The following LINGO2 variants were observed in gnomAD, a reference collection of about 807,000 sequenced individuals.
The protein encoded by LINGO2 is leucine-rich repeat and immunoglobulin-like domain-containing nogo receptor-interacting protein 2.
LINGO2 carries 14 observed loss-of-function variants against 30.6 expected under a neutral mutation model. That is an observed-to-expected ratio of 0.46 (90% CI 0.30 to 0.72). LINGO2 has a LOEUF of 0.72. LINGO2 is among the 30% of genes least tolerant of loss of function. LINGO2 has a pLI of 0.07. For synonymous variants in LINGO2, 317 were observed against 288.5 expected, an observed-to-expected ratio of 1.10 and a Z score of -1.00; for missense variants, 729 against 751.7, an observed-to-expected ratio of 0.97 and a Z score of 0.35.
the LINGO2 span, among the ~76,000 whole-genome samples, chr9:29,102,921 C>T: frequency 6.6e-6 from 1 of 152,022 alleles, no homozygotes; most frequent in Non-Finnish European, 1.5e-5. Flanking sequence ...AACTCAAAAA[C>T]CAACATGTAT....
In LINGO2 at chr9:28,221,716, G is replaced by T. The variant is rs1421415626; in HGVS notation, c.-87+73492C>A. Among the ~76,000 whole-genome samples, 5 of 152,250 alleles carry T rather than the reference G, an allele frequency of 3.3e-5. No individual in the cohort carries two copies. In the East Asian group the frequency reaches 9.6e-4, roughly 29 times the overall value. On this transcript the variant is annotated intron_variant, in intron 4 of 5. Transcript: ENST00000379992. ...TGCTTTACTTTTACAACATATAAAAGATGAAGAAATGCTCTGAGTAGATCC... is the reference window on the plus strand; with the variant it reads ...TGCTTTACTTTTACAACATATAAAATATGAAGAAATGCTCTGAGTAGATCC...
At chr9:29,040,020 AT>A in the LINGO2 span, among the ~76,000 whole-genome samples, 8 of 152,132 alleles carry the variant, frequency 5.3e-5, no homozygotes, top group African/African-American at 1.7e-4. Flanking sequence ...TTGAAACTAT[AT>A]TTTTATAGAA....
At chr9:28,954,409 G>C in the LINGO2 span, among the ~76,000 whole-genome samples, 2 of 151,836 alleles carry the variant, frequency 1.3e-5, no homozygotes, top group African/African-American at 2.4e-5. Flanking sequence ...TTTATTCAAA[G>C]AACAAGTTAT....
At chr9:28,421,359 C>A (rs1351163534) in intron 2 of LINGO2, among the ~76,000 whole-genome samples, 4 of 150,020 alleles carry the variant, frequency 2.7e-5, no homozygotes, top group African/African-American at 9.8e-5. Flanking sequence ...CAACACTGCC[C>A]AAAGCAATCT....
the LINGO2 span, among the ~76,000 whole-genome samples, chr9:28,821,743 T>C: frequency 6.6e-6 from 1 of 152,190 alleles, no homozygotes; most frequent in African/African-American, 2.4e-5. Context: ...CAGCAAAAGA[T>C]GGGAGGACGT....
Position 28,036,095 on chromosome 9 carries a change from G to A in LINGO2, c.-86-23690C>T, listed in dbSNP as rs1447188271. ...CAAGAAAGTGTTAAAGAATTTAAATGAGACCTAAAGGAGTTTTCTACTGGT... is the reference window on the plus strand; with the variant it reads ...CAAGAAAGTGTTAAAGAATTTAAATAAGACCTAAAGGAGTTTTCTACTGGT... On this transcript the variant is annotated intron_variant, in intron 4 of 5. Coordinates refer to ENST00000379992, the Ensembl canonical transcript of LINGO2. Among the ~76,000 whole-genome samples, 8 of 152,306 alleles carry A rather than the reference G, an allele frequency of 5.3e-5. 1 individual carries two copies. The highest frequency in any genetic ancestry group is 4.6e-4 in the Admixed American group (7 of 15,300).
the LINGO2 span, among the ~76,000 whole-genome samples, chr9:28,887,145 C>T: frequency 2.6e-5 from 4 of 152,080 alleles, no homozygotes; most frequent in African/African-American, 7.2e-5. Context: ...TACAAACACG[C>T]TTGTCAGTTT....
At position 28,471,880 on chromosome 9, in the gene LINGO2, T is replaced by C. The variant is rs79965101; in HGVS notation, c.-279+4060A>G. 5.6e-4 allele frequency among the ~76,000 whole-genome samples: 85 copies of C among 152,282 alleles called. 1 individual carries two copies. The highest frequency in any genetic ancestry group is 1.8e-3 in the African/African-American group (75 of 41,556). ...CAAAATCTGGTCATGATGAAATACA[T>C]TGAAAATTAAACTATTGCCACACAT... On this transcript the variant is annotated intron_variant, in intron 2 of 5. Coordinates refer to ENST00000379992, the Ensembl canonical transcript of LINGO2.
At chr9:28,390,574 G>GC (rs1554715380) in intron 2 of LINGO2, among the ~76,000 whole-genome samples, 42 of 145,174 alleles carry the variant, frequency 2.9e-4, no homozygotes, top group African/African-American at 1.0e-3. Context: ...ATACATAAAT[G>GC]AAAAAAAAAA....
chr9:28,609,501 A>T (rs1442477803), intron 1 of LINGO2, among the ~76,000 whole-genome samples: 1 of 152,070 alleles, frequency 6.6e-6, no homozygotes, highest in Non-Finnish European at 1.5e-5. Flanking sequence ...ACCAATAAAC[A>T]TTAGAAAAGT....
intron 3 of LINGO2, among the ~76,000 whole-genome samples, chr9:28,336,116 A>T (rs1324520254): frequency 6.6e-6 from 1 of 152,108 alleles, no homozygotes; most frequent in African/African-American, 2.4e-5. Flanking sequence ...CTTTAATTTT[A>T]TCTGTTCTAG....
At chr9:28,013,594 T>A (rs1822668150) in intron 4 of LINGO2, among the ~76,000 whole-genome samples, 2 of 152,206 alleles carry the variant, frequency 1.3e-5, no homozygotes, top group Non-Finnish European at 2.9e-5. Context: ...GGGGAGTGAA[T>A]GAGAAGAAGC....
chr9:27,997,349 T>C (rs1017344352), intron 5 of LINGO2, among the ~76,000 whole-genome samples: 8 of 152,134 alleles, frequency 5.3e-5, no homozygotes, highest in Admixed American at 1.3e-4. Flanking sequence ...TGCCATTCAT[T>C]TTGCGGTAAA....
chr9:28,944,065 C>T, the LINGO2 span, among the ~76,000 whole-genome samples: 1 of 152,126 alleles, frequency 6.6e-6, no homozygotes, highest in Admixed American at 6.5e-5. Flanking sequence ...AGAAGGAGTC[C>T]TGGACTGTTT....
Position 28,094,811 on chromosome 9 carries a change from C to G in LINGO2, c.-86-82406G>C, listed in dbSNP as rs144180389. Among the ~76,000 whole-genome samples, 10 of 152,110 alleles carry G rather than the reference C, an allele frequency of 6.6e-5. No homozygotes were observed. In the East Asian group the frequency reaches 1.6e-3, roughly 24 times the overall value. Reference sequence around the variant, plus strand: ...ACTTTTTTTCCCACTCAACCAGACCCTCAAAGCTAATTGTGAAGTTCTTAA... The same window carrying G: ...ACTTTTTTTCCCACTCAACCAGACCGTCAAAGCTAATTGTGAAGTTCTTAA... On this transcript the variant is annotated intron_variant, in intron 4 of 5. Transcript: ENST00000379992.
intron 4 of LINGO2, among the ~76,000 whole-genome samples, chr9:28,152,362 C>T (rs1233638712): frequency 2.0e-5 from 3 of 152,134 alleles, no homozygotes; most frequent in African/African-American, 4.8e-5. Context: ...ATTGGCTCCT[C>T]TTCCGTTTCT....
chr9:28,400,325 T>C (rs984662016), intron 2 of LINGO2, among the ~76,000 whole-genome samples: 3 of 152,202 alleles, frequency 2.0e-5, no homozygotes, highest in Admixed American at 6.5e-5. Flanking sequence ...TGTGCAGGAA[T>C]TGGCTCATAC....
At chr9:29,158,924 C>A in the LINGO2 span, among the ~76,000 whole-genome samples, 1 of 152,174 alleles carries the variant, frequency 6.6e-6, no homozygotes, top group South Asian at 2.1e-4. Flanking sequence ...TGCAGTTACA[C>A]CTAAATGTTA....
chr9:27,975,776 T>C (rs1205025978), intron 5 of LINGO2, among the ~76,000 whole-genome samples: 2 of 152,190 alleles, frequency 1.3e-5, no homozygotes, highest in Non-Finnish European at 2.9e-5. Flanking sequence ...TGCAAGTGCA[T>C]TGAAAATTTC....
Sources: allele counts gnomAD v4.1 joint callset (sites outside exome capture counted in the v4.1 genomes callset), GRCh38; gene constraint gnomAD v4.1.1; transcripts MANE v1.5; gene names NCBI Gene and HGNC (gene_info 2026-07-23, HGNC 2026-07-21).